The following ARL6IP5 variants were observed in gnomAD, a reference collection of about 807,000 sequenced individuals.
ARL6IP5 encodes the protein ARF like GTPase 6 interacting protein 5, also known as PRA1 family protein 3.
ARL6IP5 carries 6 observed loss-of-function variants against 13.0 expected under a neutral mutation model. The ratio of observed to expected loss-of-function variants is 0.46; its 90% confidence interval spans 0.25 to 0.91. The LOEUF (loss-of-function observed/expected upper bound fraction) is 0.91. Ranked by LOEUF, ARL6IP5 falls within the 40% of genes least tolerant of loss-of-function variation. The probability of loss-of-function intolerance (pLI) is 0.17; values close to 1 mark genes in which losing one functional copy is unlikely to be tolerated. For synonymous variants in ARL6IP5, 91 were observed against 91.9 expected (o/e 0.99, Z 0.06); for missense variants, 208 against 248.8 (o/e 0.84, Z 1.10).
chr3:69,091,181 CAG>C (rs759680770), intron 1 of ARL6IP5, among the ~76,000 whole-genome samples: 55 of 152,108 alleles, frequency 3.6e-4, no homozygotes, highest in Non-Finnish European at 5.9e-4. Context: ...GCCTGGGTAA[CAG>C]AGTGAGACGC....
intron 1 of ARL6IP5, among the ~76,000 whole-genome samples, chr3:69,092,034 C>T (rs951115456): frequency 6.6e-6 from 1 of 152,190 alleles, no homozygotes; most frequent in Admixed American, 6.5e-5. Context: ...AGCGTGGCTT[C>T]CTGTTTCTGA....
At chr3:69,104,393 A>G in intron 2 of ARL6IP5, 71 bp from the exon 3 acceptor site, 1 of 1,447,964 alleles carries the variant, frequency 6.9e-7, no homozygotes, top group African/African-American at 1.4e-5. Context: ...GTGTGAAGAG[A>G]GGGAGTGTAA....
At chr3:69,102,088 CA>C (rs761840185) in intron 2 of ARL6IP5, 32 bp downstream of exon 2, 4 of 1,591,348 alleles carry the variant, frequency 2.5e-6, no homozygotes, top group Admixed American at 1.7e-5. Flanking sequence ...CTTCCATCAT[CA>C]AAAAAATGTA....
chr3:69,084,986 C>A lies in ARL6IP5; in HGVS notation c.-62C>A. 6.3e-7 allele frequency: 1 copy of A among 1,579,472 alleles called. No homozygotes were observed. Among genetic ancestry groups the A allele is most frequent in the Admixed American group, 1.7e-5 (1 of 58,208 alleles). On this transcript the variant is annotated 5_prime_UTR_variant, in exon 1 of 3. It adds an upstream start codon to the 5' untranslated region. Transcript: ENST00000273258. ...CTGTCAACTCTCCAACTCAGCTCAG[C>A]TGATCGGTTGCCGCCGCCGCCGCCG...
chr3:69,103,394 T>G (rs7620273), intron 2 of ARL6IP5, among the ~76,000 whole-genome samples: 1 of 152,228 alleles, frequency 6.6e-6, no homozygotes, highest in East Asian at 1.9e-4. Flanking sequence ...TTCACTCATC[T>G]CTAAAGTAAG....
intron 1 of ARL6IP5, among the ~76,000 whole-genome samples, chr3:69,086,705 G>A (rs1002606054): frequency 4.6e-5 from 7 of 151,558 alleles, no homozygotes; most frequent in Admixed American, 4.6e-4. Flanking sequence ...CTGCTTTCCT[G>A]GAACACTAAA....
At chr3:69,092,766 C>CG in intron 1 of ARL6IP5, among the ~76,000 whole-genome samples, 1 of 151,782 alleles carries the variant, frequency 6.6e-6, no homozygotes, top group African/African-American at 2.4e-5. Flanking sequence ...GTTATCCCCC[C>CG]ACCTCAGCCT....
chr3:69,085,591 A>G (rs2092245319), intron 1 of ARL6IP5, among the ~76,000 whole-genome samples: 1 of 152,056 alleles, frequency 6.6e-6, no homozygotes, highest in Admixed American at 6.5e-5. Context: ...TAAGAAGAAA[A>G]AGGAAAGTGG....
At chr3:69,102,137 TTA>T in intron 2 of ARL6IP5, 81 bp downstream of exon 2, 1 of 1,449,414 alleles carries the variant, frequency 6.9e-7, no homozygotes, top group Non-Finnish European at 9.6e-7. Flanking sequence ...AACCCATTTC[TTA>T]TATGTGTTGG....
chr3:69,104,888 A>C lies in ARL6IP5; in HGVS notation c.*252A>C. On this transcript the variant is annotated 3_prime_UTR_variant, in exon 3 of 3. Transcript: ENST00000273258. ...GTGTGTTTATGAAATCTAATGGGAA[A>C]TGGATCACACGATTTCTTTAAGGGA... is the stretch of plus-strand genomic sequence containing the variant. 1 of 703,090 alleles carries C rather than the reference A, an allele frequency of 1.4e-6. No individual in the cohort carries two copies. Among genetic ancestry groups the C allele is most frequent in the East Asian group, 2.7e-5 (1 of 37,272 alleles). 43.6% of individuals were successfully genotyped at this position (703,090 alleles called of 1,614,324 possible). A position where few individuals can be genotyped will look rare whatever the true frequency, so the allele number is the denominator to read the frequency against.
intron 1 of ARL6IP5, among the ~76,000 whole-genome samples, chr3:69,099,767 C>T (rs2092299738): frequency 6.6e-6 from 1 of 152,180 alleles, no homozygotes; most frequent in Non-Finnish European, 1.5e-5. Context: ...AACACACTAT[C>T]GTCTGTGTCC....
intron 1 of ARL6IP5, among the ~76,000 whole-genome samples, chr3:69,091,488 G>T (rs1014769973): frequency 6.6e-6 from 1 of 151,772 alleles, no homozygotes; most frequent in South Asian, 2.1e-4. Flanking sequence ...GTAGAGAAGG[G>T]TTTTTGCCAT....
rs2092317411 is a variant in ARL6IP5, at chr3:69,104,772, G to A, written c.*136G>A. 1.0e-6 allele frequency: 1 copy of A among 970,702 alleles called. No individual in the cohort carries two copies. The highest frequency in any genetic ancestry group is 1.6e-6 in the Non-Finnish European group (1 of 628,402). 60.1% of individuals were successfully genotyped at this position (970,702 alleles called of 1,614,324 possible). A position where few individuals can be genotyped will look rare whatever the true frequency, so the allele number is the denominator to read the frequency against. Reference sequence around the variant, plus strand: ...TTATCTATGGCAGCATGCATGTATAGGCCGAACTATTATCAGCTCTGATGT... The same window carrying A: ...TTATCTATGGCAGCATGCATGTATAAGCCGAACTATTATCAGCTCTGATGT... On this transcript the variant is annotated 3_prime_UTR_variant, in exon 3 of 3. Transcript: ENST00000273258.
In ARL6IP5 at chr3:69,105,103, T is replaced by G; in HGVS notation, c.*467T>G. 2.0e-6 allele frequency: 1 copy of G among 489,076 alleles called. No individual in the cohort carries two copies. Among genetic ancestry groups the G allele is most frequent in the Non-Finnish European group, 3.6e-6 (1 of 277,856 alleles). 30.3% of individuals were successfully genotyped at this position (489,076 alleles called of 1,614,324 possible). Reference sequence around the variant, plus strand: ...GTGTGGGATATAAATTAGTTTTTATTATTCTCTTAAAAATCAAAGATGATC... The same window carrying G: ...GTGTGGGATATAAATTAGTTTTTATGATTCTCTTAAAAATCAAAGATGATC... On this transcript the variant is annotated 3_prime_UTR_variant, in exon 3 of 3. Transcript: ENST00000273258.
Position 69,085,936 on chromosome 3 carries a change from T to G in ARL6IP5, c.176+713T>G, listed in dbSNP as rs151299211. Among the ~76,000 whole-genome samples, 39 of 152,340 alleles carry G rather than the reference T, an allele frequency of 2.6e-4. No homozygotes were observed. In the East Asian group the frequency reaches 7.3e-3, roughly 29 times the overall value. Reference sequence around the variant, plus strand: ...ATACCTGATACTTAACAAAGTATCCTGTGTTGAGACTGCATGTACACCTGC... The same window carrying G: ...ATACCTGATACTTAACAAAGTATCCGGTGTTGAGACTGCATGTACACCTGC... On this transcript the variant is annotated intron_variant, in intron 1 of 2. Coordinates refer to ENST00000273258, the MANE Select transcript of ARL6IP5 (RefSeq NM_006407.4).
Position 69,089,958 on chromosome 3 carries a change from A to G in ARL6IP5, c.176+4735A>G, listed in dbSNP as rs977669760. On this transcript the variant is annotated intron_variant, in intron 1 of 2. Coordinates refer to ENST00000273258, the MANE Select transcript of ARL6IP5 (RefSeq NM_006407.4). ...CACTTTATGCTTTCAGTTACTCAAG[A>G]TGGTAAGGAGTTTCTAGAAGGCTGG... 4 of 434,388 alleles carry G rather than the reference A, an allele frequency of 9.2e-6. No homozygotes were observed. In the East Asian group the frequency reaches 2.8e-4, roughly 31 times the overall value. The allele number at this position is 434,388 out of a possible 1,614,324, so 26.9% of individuals were successfully genotyped here.
chr3:69,097,648 CG>C (rs1445463846), intron 1 of ARL6IP5, among the ~76,000 whole-genome samples: 2 of 152,052 alleles, frequency 1.3e-5, no homozygotes, highest in African/African-American at 4.8e-5. Flanking sequence ...AGACCAATTC[CG>C]GGGTTGTCTC....
Position 69,088,458 on chromosome 3 carries a change from T to C in ARL6IP5, c.176+3235T>C, listed in dbSNP as rs148248059. On this transcript the variant is annotated intron_variant, in intron 1 of 2. Coordinates refer to ENST00000273258, the MANE Select transcript of ARL6IP5 (RefSeq NM_006407.4). The stretch of plus-strand genomic sequence containing the variant: ...GAGTGCTCTAGCCTCAGCTCTCCAA[T>C]GTTGGAAACTGGCTTAGATGAGGAT... 5.4e-4 allele frequency among the ~76,000 whole-genome samples: 83 copies of C among 152,306 alleles called. 1 individual carries two copies. The highest frequency in any genetic ancestry group is 3.4e-3 in the Middle Eastern group (1 of 294).
chr3:69,097,449 T>C (rs941917858), intron 1 of ARL6IP5, among the ~76,000 whole-genome samples: 43 of 151,802 alleles, frequency 2.8e-4, no homozygotes, highest in Admixed American at 8.5e-4. Context: ...AGTGCTGGGA[T>C]TACAGACATG....
Sources: allele counts gnomAD v4.1 joint callset (sites outside exome capture counted in the v4.1 genomes callset), GRCh38; gene constraint gnomAD v4.1.1; transcripts MANE v1.5; gene names NCBI Gene and HGNC (gene_info 2026-07-23, HGNC 2026-07-21).